Variants in CTIF observed in about 807,000 individuals in gnomAD.
CTIF encodes cap binding complex dependent translation initiation factor.
A neutral mutation model predicts 66.0 loss-of-function variants in CTIF; 21 were observed. The ratio of observed to expected loss-of-function variants is 0.32; its 90% CI spans 0.23 to 0.46. CTIF has a LOEUF of 0.46. Among genes scored for constraint, CTIF ranks in the 20% least tolerant of loss-of-function variants. CTIF has a pLI of 1.00. For synonymous variants in CTIF, 345 were observed against 326.4 expected (o/e 1.06, Z -0.62); for missense variants, 739 against 812.7 (o/e 0.91, Z 1.10).
intron 1 of CTIF, among the ~76,000 whole-genome samples, chr18:48,610,729 T>C (rs1056914793): frequency 6.6e-6 from 1 of 152,212 alleles, no homozygotes; most frequent in African/African-American, 2.4e-5. Context: ...TGAAAACTGG[T>C]CCAGCTCCTC....
At chr18:48,847,407 C>G (rs539187353) in intron 10 of CTIF, among the ~76,000 whole-genome samples, 2 of 152,144 alleles carry the variant, frequency 1.3e-5, no homozygotes, top group East Asian at 3.9e-4. Flanking sequence ...AGCACAGATC[C>G]AGGACTCTCC....
chr18:48,775,563 C>T (rs1433986724), intron 9 of CTIF, among the ~76,000 whole-genome samples: 4 of 152,224 alleles, frequency 2.6e-5, no homozygotes, highest in Non-Finnish European at 4.4e-5. Flanking sequence ...GGCCTGGAGG[C>T]CCCACAGGGT....
At chr18:48,831,142 G>A (rs995485651) in intron 10 of CTIF, among the ~76,000 whole-genome samples, 1 of 152,216 alleles carries the variant, frequency 6.6e-6, no homozygotes, top group Admixed American at 6.5e-5. Flanking sequence ...AGCTCAGAAC[G>A]GGAAAGGGAA....
intron 9 of CTIF, among the ~76,000 whole-genome samples, chr18:48,808,754 G>A (rs925786803): frequency 2.6e-5 from 4 of 152,074 alleles, no homozygotes; most frequent in Non-Finnish European, 5.9e-5. Flanking sequence ...CTCTCCATTC[G>A]GATGTCAGCT....
intron 9 of CTIF, among the ~76,000 whole-genome samples, chr18:48,802,213 T>C (rs559873394): frequency 1.3e-5 from 2 of 152,358 alleles, no homozygotes; most frequent in African/African-American, 4.8e-5. Context: ...CTCCTCAGGC[T>C]GAGGCCTCAG....
At chr18:48,665,139 C>T (rs2091416235) in intron 5 of CTIF, among the ~76,000 whole-genome samples, 1 of 151,882 alleles carries the variant, frequency 6.6e-6, no homozygotes, top group African/African-American at 2.4e-5. Flanking sequence ...TGGTCTCGAT[C>T]TCCTGACCTC....
At chr18:48,682,081 C>T (rs2091756085) in intron 6 of CTIF, among the ~76,000 whole-genome samples, 1 of 152,188 alleles carries the variant, frequency 6.6e-6, no homozygotes, top group Non-Finnish European at 1.5e-5. Flanking sequence ...CCACCGTGCC[C>T]AGCCCCACAC....
chr18:48,798,651 G>T (rs2067983230), intron 9 of CTIF, among the ~76,000 whole-genome samples: 1 of 152,162 alleles, frequency 6.6e-6, no homozygotes, highest in Non-Finnish European at 1.5e-5. Context: ...TTACATTATA[G>T]CCCCCTCTCT....
chr18:48,576,073 C>T (rs972716214), intron 1 of CTIF, among the ~76,000 whole-genome samples: 3 of 152,256 alleles, frequency 2.0e-5, no homozygotes, highest in South Asian at 2.1e-4. Flanking sequence ...TTGTCCCTCC[C>T]GGTCCTCGGG....
intron 1 of CTIF, among the ~76,000 whole-genome samples, chr18:48,570,755 A>C (rs961985784): frequency 1.3e-5 from 2 of 151,744 alleles, no homozygotes; most frequent in African/African-American, 4.9e-5. Context: ...TGGAGGTGAG[A>C]GAGTGAGTGC....
chr18:48,680,628 T>A (rs2091724250), intron 6 of CTIF, among the ~76,000 whole-genome samples: 1 of 152,248 alleles, frequency 6.6e-6, no homozygotes, highest in East Asian at 1.9e-4. Context: ...TTGCCGTCCC[T>A]GTCCTTCAGC....
At chr18:48,661,760 T>C (rs2091351135) in intron 3 of CTIF, 1 of 152,220 alleles carries the variant, frequency 6.6e-6, no homozygotes, top group Admixed American at 6.5e-5. Context: ...CGCATGCCAG[T>C]CAGAAGGAGC....
At chr18:48,789,102 C>T (rs968323186) in intron 9 of CTIF, among the ~76,000 whole-genome samples, 12 of 152,190 alleles carry the variant, frequency 7.9e-5, no homozygotes, top group Non-Finnish European at 1.6e-4. Flanking sequence ...GCCTCATCTT[C>T]CTTTAGTACA....
intron 3 of CTIF, among the ~76,000 whole-genome samples, chr18:48,653,002 A>T (rs971832497): frequency 6.6e-6 from 1 of 152,216 alleles, no homozygotes; most frequent in African/African-American, 2.4e-5. Flanking sequence ...GCTATCTATG[A>T]CAAACCCACA....
intron 10 of CTIF, among the ~76,000 whole-genome samples, chr18:48,831,644 A>G (rs886706157): frequency 8.5e-5 from 13 of 152,242 alleles, no homozygotes; most frequent in East Asian, 3.8e-4. Context: ...ATGGAGCAAC[A>G]TGGCCAGTAA....
chr18:48,760,143 G>C (rs1308093682), intron 8 of CTIF: 1 of 151,372 alleles, frequency 6.6e-6, no homozygotes, highest in East Asian at 1.9e-4. Context: ...TTGAGGAGAA[G>C]AACTAGGCCA....
intron 9 of CTIF, among the ~76,000 whole-genome samples, chr18:48,812,048 C>T (rs556423615): frequency 1.5e-4 from 23 of 152,294 alleles, no homozygotes; most frequent in Admixed American, 1.1e-3. Flanking sequence ...CTGCCACCTC[C>T]GCCTCCCGGG....
intron 9 of CTIF, among the ~76,000 whole-genome samples, chr18:48,805,101 C>T (rs1052021577): frequency 7.2e-5 from 11 of 152,206 alleles, no homozygotes; most frequent in South Asian, 2.1e-4. Context: ...CATTCAGGGT[C>T]GTCTCTCAGG....
intron 7 of CTIF, among the ~76,000 whole-genome samples, chr18:48,753,601 CA>C (rs397858285): frequency 6.5e-4 from 93 of 143,628 alleles, no homozygotes; most frequent in Middle Eastern, 7.0e-3. Flanking sequence ...TTCCATTCTC[CA>C]AAAAAAAAAA....
Sources: gnomAD v4.1 joint callset for allele counts (sites outside exome capture counted in the v4.1 genomes callset) on GRCh38, gnomAD v4.1.1 for gene constraint, MANE v1.5 for transcripts, NCBI Gene and HGNC (gene_info 2026-07-23, HGNC 2026-07-21) for gene names.